The following FSTL1 variants were observed in gnomAD, a reference collection of about 807,000 sequenced individuals.
The protein encoded by FSTL1 is follistatin like 1.
In FSTL1, 24 loss-of-function variants were observed where a neutral mutation model predicts 45.9. The observed-to-expected ratio is 0.52, with a 90% CI of 0.38 to 0.74. The LOEUF is 0.74. FSTL1 is among the 30% of genes least tolerant of loss of function. The pLI is 0.00. For missense variants in FSTL1, 340 were observed against 381.8 expected (o/e 0.89, Z 0.91); for synonymous variants, 120 against 137.6 (o/e 0.87, Z 0.89).
At chr3:120,450,633 G>A (rs935097008) in intron 2 of FSTL1, 51 bp downstream of exon 2, 13 of 1,286,352 alleles carry the variant, frequency 1.0e-5, no homozygotes, top group Non-Finnish European at 1.3e-5. Context: ...CCAGCGCGCA[G>A]ACCCAAGAGG....
intron 6 of FSTL1, among the ~76,000 whole-genome samples, chr3:120,407,764 G>C (rs1936975411): frequency 6.6e-6 from 1 of 152,218 alleles, no homozygotes; most frequent in African/African-American, 2.4e-5. Flanking sequence ...GACACTGCCA[G>C]AGTGTCTGGG....
chr3:120,412,314 G>A (rs1203533413), intron 3 of FSTL1, among the ~76,000 whole-genome samples: 1 of 152,228 alleles, frequency 6.6e-6, no homozygotes, highest in Non-Finnish European at 1.5e-5. Context: ...GTATTAAGAG[G>A]TGAGGCCTTT....
intron 2 of FSTL1, among the ~76,000 whole-genome samples, chr3:120,442,744 C>T (rs1205861918): frequency 7.1e-6 from 1 of 140,842 alleles, no homozygotes; most frequent in East Asian, 2.2e-4. Flanking sequence ...GATCGCACCA[C>T]TGTGCTCCAG....
At chr3:120,434,514 C>T (rs2107667992) in intron 2 of FSTL1, among the ~76,000 whole-genome samples, 1 of 152,346 alleles carries the variant, frequency 6.6e-6, no homozygotes, top group South Asian at 2.1e-4. Context: ...CCATGGAACA[C>T]TAGCCTTGAA....
rs768600165 is a variant in FSTL1, at chr3:120,409,650, T to G, written c.344A>C (p.Gln115Pro). ...ACGTCGGAGCTCATCACGGTTGGAC[T>G]GATAGCAAACAACTGCAGGAAAGTG... ...SPSASPVVCY[Q>P]SNRDELRRRI... is the part of the protein sequence containing the mutation. Residue 115 changes from glutamine (Q) to proline (P), a missense_variant, in exon 6 of 11, where the codon CAG (glutamine) becomes CCG (proline). Gln to Pro is a moderately conservative substitution (Grantham distance 76, BLOSUM62 -1). Coordinates refer to ENST00000295633, the MANE Select transcript of FSTL1 (RefSeq NM_007085.5). The G allele has an allele frequency of 5.0e-6, 8 of 1,613,850 alleles. No individual in the cohort carries two copies. Among genetic ancestry groups the G allele is most frequent in the Admixed American group, 1.7e-5 (1 of 60,000 alleles).
Position 120,415,998 on chromosome 3 carries a change from A to C in FSTL1, c.93T>G (p.Cys31Trp). 3.1e-6 allele frequency: 5 copies of C among 1,613,888 alleles called. No individual in the cohort carries two copies. Among genetic ancestry groups the C allele is most frequent in the Non-Finnish European group, 4.2e-6 (5 of 1,179,754 alleles). ...GGCCGGCTCCACAAAACACATTGGC[A>C]CAGATCTTGGATTTGCTCCTTAGCT... is the stretch of plus-strand genomic sequence containing the variant. ...EEELRSKSKI[C>W]ANVFCGAGRE... Residue 31 changes from cysteine to tryptophan, a missense_variant, in exon 3 of 11, where the codon TGT becomes TGG. Cys to Trp is a radical substitution (Grantham distance 215, BLOSUM62 -2). Transcript: ENST00000295633.
At chr3:120,421,300 T>G (rs1028619939) in intron 2 of FSTL1, 6 of 152,232 alleles carry the variant, frequency 3.9e-5, no homozygotes, top group Admixed American at 3.9e-4. Flanking sequence ...AGGTGGAATT[T>G]TGGCTCTACT....
At chr3:120,445,810 T>C (rs1350923751) in intron 2 of FSTL1, among the ~76,000 whole-genome samples, 1 of 149,982 alleles carries the variant, frequency 6.7e-6, no homozygotes, top group African/African-American at 2.5e-5. Flanking sequence ...GCAGAGACCA[T>C]GCCTTGTGCT....
rs1936710273 is a variant in FSTL1 at position 120,396,798 on chromosome 3, A to ATCCTT, written c.*149_*153dup. 3 of 666,334 alleles carry ATCCTT rather than the reference A, an allele frequency of 4.5e-6. No homozygotes were observed. Among genetic ancestry groups the ATCCTT allele is most frequent in the Non-Finnish European group, 8.1e-6 (3 of 372,616 alleles). 41.3% of individuals were successfully genotyped at this position (666,334 alleles called of 1,614,324 possible). A position where few individuals can be genotyped will look rare whatever the true frequency, so the allele number is the denominator to read the frequency against. On this transcript the variant is annotated 3_prime_UTR_variant, in exon 11 of 11. Transcript: ENST00000295633. ...TCCCTTCCTAGCCAGCCACCTTCATATCCTTTATTGCAAAACAAATAAACA... is the reference window on the plus strand; with the variant it reads ...TCCCTTCCTAGCCAGCCACCTTCATATCCTTTCCTTTATTGCAAAACAAATAAACA...
chr3:120,424,863 A>T (rs574353057), intron 2 of FSTL1, among the ~76,000 whole-genome samples: 1 of 152,102 alleles, frequency 6.6e-6, no homozygotes, highest in Non-Finnish European at 1.5e-5. Context: ...TGAGTCAGTT[A>T]TGGACGCGTC....
intron 2 of FSTL1, among the ~76,000 whole-genome samples, chr3:120,446,524 A>G (rs1453856579): frequency 6.6e-6 from 1 of 152,192 alleles, no homozygotes; most frequent in Non-Finnish European, 1.5e-5. Flanking sequence ...TTACACCCCA[A>G]TTTCCAGCAA....
Position 120,411,942 on chromosome 3 carries a change from G to A in FSTL1, c.210C>T (p.Gly70=), listed in dbSNP as rs1559736636. The change falls in exon 4 of 11, where the codon GGC becomes GGT. Residue 70 remains glycine, a synonymous_variant. Transcript: ENST00000295633. ...GTTCACAGTGGTTGAGGTAGGTCTT[G>A]CCATTACTGCCACACACAGGCCTCT... ...PHKRPVCGSN[G]KTYLNHCELH... 6.2e-7 allele frequency: 1 copy of A among 1,612,602 alleles called. No homozygotes were observed. The highest frequency in any genetic ancestry group is 8.5e-7 in the Non-Finnish European group (1 of 1,178,706).
chr3:120,442,224 T>C (rs1937636953), intron 2 of FSTL1, among the ~76,000 whole-genome samples: 2 of 152,216 alleles, frequency 1.3e-5, no homozygotes, highest in Non-Finnish European at 2.9e-5. Context: ...ACAGGAATGA[T>C]TCCCATTCTA....
At chr3:120,405,564 G>C (rs1422844509) in intron 6 of FSTL1, among the ~76,000 whole-genome samples, 1 of 152,182 alleles carries the variant, frequency 6.6e-6, no homozygotes, top group Non-Finnish European at 1.5e-5. Flanking sequence ...TCAGGCAAAG[G>C]CCTCAAAGCA....
intron 9 of FSTL1, among the ~76,000 whole-genome samples, chr3:120,400,944 G>A (rs1936814290): frequency 6.6e-6 from 1 of 152,174 alleles, no homozygotes; most frequent in Admixed American, 6.5e-5. Flanking sequence ...GCCCATAGCT[G>A]AGTGGCTGTG....
chr3:120,448,792 G>C (rs1012806787), intron 2 of FSTL1, among the ~76,000 whole-genome samples: 2 of 152,238 alleles, frequency 1.3e-5, no homozygotes, highest in Non-Finnish European at 2.9e-5. Flanking sequence ...AGTTTTCCCT[G>C]TGTGGAAGGG....
rs1203759100 is a variant in FSTL1, at chr3:120,402,828, C to T, written c.785G>A (p.Cys262Tyr). The T allele has an allele frequency of 6.2e-7, 1 of 1,605,854 alleles. No individual in the cohort carries two copies. The highest frequency in any genetic ancestry group is 1.7e-5 in the Admixed American group (1 of 60,000). Residue 262 changes from cysteine (C) to tyrosine (Y), a missense_variant, in exon 9 of 11, where the codon TGT becomes TAT. By Grantham distance (194) the Cys-to-Tyr change is radical. Transcript: ENST00000295633. ...CTCACCGTCACAGGTCATGGCTGTA[C>T]AGACCCAATTTCCACAGGCACAGAC... ...RCVCACGNWVCTAMTCDGKNQ... is the reference protein window; with the variant it reads ...RCVCACGNWVYTAMTCDGKNQ...
At chr3:120,412,838 G>GCGCGCACACACACACA (rs1429168694) in intron 3 of FSTL1, among the ~76,000 whole-genome samples, 3 of 106,132 alleles carry the variant, frequency 2.8e-5, no homozygotes, top group East Asian at 3.0e-4. Context: ...GCGCGCGCGC[G>GCGCGCACACACACACA]CACACACACA....
At chr3:120,435,528 G>A (rs867994601) in intron 2 of FSTL1, among the ~76,000 whole-genome samples, 2 of 152,028 alleles carry the variant, frequency 1.3e-5, no homozygotes, top group Admixed American at 1.3e-4. Flanking sequence ...CCTAACTTTT[G>A]TCTCTTTCTC....
Sources: gnomAD v4.1 joint callset for allele counts (sites outside exome capture counted in the v4.1 genomes callset) on GRCh38, gnomAD v4.1.1 for gene constraint, MANE v1.5 for transcripts, NCBI Gene and HGNC (gene_info 2026-07-23, HGNC 2026-07-21) for gene names.